Variants in PAX9 observed in about 807,000 individuals in gnomAD.
PAX9 encodes paired box protein Pax-9.
PAX9 carries 6 observed loss-of-function variants against 29.1 expected under a neutral mutation model. The ratio of observed to expected loss-of-function variants is 0.21; its 90% CI spans 0.11 to 0.41. The LOEUF (loss-of-function observed/expected upper bound fraction) is 0.41. Among genes scored for constraint, PAX9 ranks in the 10% least tolerant of loss-of-function variants. The pLI is 1.00. For synonymous variants in PAX9, 217 were observed against 211.7 expected (o/e 1.03, Z -0.22); for missense variants, 443 against 479.1 (o/e 0.92, Z 0.70).
intron 2 of PAX9, among the ~76,000 whole-genome samples, chr14:36,664,661 G>T (rs1339568941): frequency 6.6e-6 from 1 of 151,336 alleles, no homozygotes; most frequent in Non-Finnish European, 1.5e-5. Flanking sequence ...ATAATGTGTA[G>T]ATAGTCCACT....
chr14:36,671,017 A>G (rs1268045879), intron 3 of PAX9: 1 of 426,972 alleles, frequency 2.3e-6, no homozygotes, highest in South Asian at 1.7e-5. Context: ...AAATGAGTTC[A>G]CCAAAAAAGA....
intron 3 of PAX9, among the ~76,000 whole-genome samples, chr14:36,666,923 CCGAAGCCCTTTCGGCGGCTCT>C (rs1305246990): frequency 1.3e-5 from 2 of 152,166 alleles, no homozygotes; most frequent in African/African-American, 4.8e-5. Context: ...GAGGCGGCTC[CCGAAGCCCTTTCGGCGGCTCT>C]CGTTGGGGGT....
At chr14:36,659,477 T>C (rs1232797724), upstream of PAX9, among the ~76,000 whole-genome samples, 1 of 152,150 alleles carries the variant, frequency 6.6e-6, no homozygotes, top group Non-Finnish European at 1.5e-5. Flanking sequence ...CTTCTCTTGC[T>C]CCCAGAGCGG....
chr14:36,674,921 C>T (rs185227656), intron 3 of PAX9, among the ~76,000 whole-genome samples: 2 of 152,264 alleles, frequency 1.3e-5, no homozygotes, highest in African/African-American at 4.8e-5. Flanking sequence ...ATTTACTCTG[C>T]ATTGAGAAAA....
At chr14:36,659,032 C>A (rs879818638), upstream of PAX9, among the ~76,000 whole-genome samples, 3 of 152,230 alleles carry the variant, frequency 2.0e-5, no homozygotes, top group African/African-American at 4.8e-5. Flanking sequence ...AATATTTATC[C>A]AGAGAGCGAG....
rs150728834 is a variant in PAX9, at chr14:36,667,434, C to A, written c.771+833C>A. Among the ~76,000 whole-genome samples the A allele has an allele frequency of 7.6e-3, 1,150 of 152,146 alleles. 10 individuals carry two copies. Among genetic ancestry groups the A allele is most frequent in the Middle Eastern group, 0.014 (4 of 294 alleles). ...TCAAGAGTTCAAAACTCTCAAAAAA[C>A]CGGACCTTAAGGCAATGTAAGGTTT... is the stretch of plus-strand genomic sequence containing the variant. On this transcript the variant is annotated intron_variant, in intron 3 of 3. Transcript: ENST00000361487.
At chr14:36,662,145 A>C (rs542796647) in intron 1 of PAX9, 52 bp downstream of exon 1, 4 of 246,058 alleles carry the variant, frequency 1.6e-5, no homozygotes, top group African/African-American at 3.2e-5. Flanking sequence ...GGAGGGAGCG[A>C]GCGGGCAAGG....
At chr14:36,665,376 A>T (rs1371307512) in intron 2 of PAX9, among the ~76,000 whole-genome samples, 1 of 152,250 alleles carries the variant, frequency 6.6e-6, no homozygotes, top group East Asian at 1.9e-4. Context: ...GATCATTTCT[A>T]CAAAAATGCT....
upstream of PAX9, among the ~76,000 whole-genome samples, chr14:36,659,113 G>T (rs1881157761): frequency 6.6e-6 from 1 of 152,224 alleles, no homozygotes; most frequent in South Asian, 2.1e-4. Context: ...TGAGCCAGCT[G>T]CAGGCCTTAC....
At position 36,676,400 on chromosome 14, in the gene PAX9, G is replaced by A; in HGVS notation, c.974G>A (p.Gly325Glu). Residue 325 changes from glycine (G) to glutamate (E), a missense_variant, in exon 4 of 4, where the codon GGA becomes GAA. Coordinates refer to ENST00000361487, the MANE Select transcript of PAX9 (RefSeq NM_001372076.1). ...CDIPASLAFKGMQAAREGSHS... is the reference protein window; with the variant it reads ...CDIPASLAFKEMQAAREGSHS... ...ATTCCGGCATCGCTGGCGTTCAAGG[G>A]AATGCAGGCAGCCAGAGAAGGTAGT... is the stretch of plus-strand genomic sequence containing the variant. 1 of 1,614,130 alleles carries A rather than the reference G, an allele frequency of 6.2e-7. No individual in the cohort carries two copies. The highest frequency in any genetic ancestry group is 8.5e-7 in the Non-Finnish European group (1 of 1,180,026).
chr14:36,664,143 G>T (rs542968450), intron 2 of PAX9, among the ~76,000 whole-genome samples: 1 of 152,302 alleles, frequency 6.6e-6, no homozygotes, highest in Admixed American at 6.5e-5. Flanking sequence ...CTAGTAACTT[G>T]CATGTAACTC....
upstream of PAX9, among the ~76,000 whole-genome samples, chr14:36,658,375 G>GT (rs59646911): frequency 1.9e-3 from 256 of 133,848 alleles, 5 homozygotes; most frequent in African/African-American, 7.6e-3. Flanking sequence ...GCCTCGCTTG[G>GT]GGGGGGGGGG....
intron 3 of PAX9, among the ~76,000 whole-genome samples, chr14:36,668,129 T>C (rs1881572676): frequency 6.6e-6 from 1 of 152,178 alleles, no homozygotes; most frequent in African/African-American, 2.4e-5. Context: ...GTAATATTTA[T>C]CAGAGTATAC....
At chr14:36,671,130 A>G in intron 3 of PAX9, 1 of 395,524 alleles carries the variant, frequency 2.5e-6, no homozygotes, top group South Asian at 1.9e-5. Context: ...AATCTACTTT[A>G]TTATAAAGCC....
At position 36,663,522 on chromosome 14, in the gene PAX9, A is replaced by G; in HGVS notation, c.630A>G (p.Gln210=). ...TGGGCATCCGCTCCATCACCGACCA[A>G]GGTAGGGGCTCAGAGGCTGGGCGTG... ...DILGIRSITD[Q]VSDSSPYHSP... The change falls in exon 2 of 4, where the codon CAA becomes CAG. Residue 210 remains glutamine, a splice_region_variant and synonymous_variant. Coordinates refer to ENST00000361487, the MANE Select transcript of PAX9 (RefSeq NM_001372076.1). The G allele has an allele frequency of 6.2e-7, 1 of 1,612,714 alleles. No individual in the cohort carries two copies.
chr14:36,664,335 T>G (rs1411290053), intron 2 of PAX9, among the ~76,000 whole-genome samples: 1 of 151,738 alleles, frequency 6.6e-6, no homozygotes, highest in Non-Finnish European at 1.5e-5. Context: ...CAGTTTTCCC[T>G]GAGCCTGCCA....
intron 2 of PAX9, 92 bp from the exon 3 acceptor site, chr14:36,666,370 C>T: frequency 6.6e-7 from 1 of 1,514,344 alleles, no homozygotes. Context: ...GGTCTAAGCC[C>T]TCCAGCTCTC....
chr14:36,664,013 T>A (rs925581340), intron 2 of PAX9, among the ~76,000 whole-genome samples: 15 of 152,232 alleles, frequency 9.9e-5, no homozygotes, highest in Admixed American at 7.2e-4. Context: ...AATTGAAGTA[T>A]TCTCCGATTC....
At chr14:36,666,633 G>A in intron 3 of PAX9, 32 bp downstream of exon 3, 2 of 1,553,838 alleles carry the variant, frequency 1.3e-6, no homozygotes, top group Non-Finnish European at 1.7e-6. Context: ...CAGGTGGGCC[G>A]CGTGGCGGCG....
Sources: gnomAD v4.1 joint callset for allele counts (sites outside exome capture counted in the v4.1 genomes callset) on GRCh38, gnomAD v4.1.1 for gene constraint, MANE v1.5 for transcripts, NCBI Gene and HGNC (gene_info 2026-07-23, HGNC 2026-07-21) for gene names.